Variants in HCFC2 observed in about 807,000 individuals in gnomAD.
HCFC2 encodes host cell factor 2.
Under a neutral mutation model 89.2 loss-of-function variants are expected in HCFC2, and 18 were observed. The observed-to-expected ratio is 0.20, with a 90% CI of 0.14 to 0.30. The LOEUF (loss-of-function observed/expected upper bound fraction) is 0.30. HCFC2 is among the 10% of genes least tolerant of loss of function. The pLI, the probability that HCFC2 is intolerant of heterozygous loss-of-function variation, is 1.00. For synonymous variants in HCFC2, 308 were observed against 335.7 expected (o/e 0.92, Z 0.90); for missense variants, 578 against 956.1 (o/e 0.60, Z 5.21).
chr12:104,066,450 CTATTATTCAAG>C (rs955067034), intron 2 of HCFC2, 135 bp downstream of exon 2: 1 of 531,622 alleles, frequency 1.9e-6, no homozygotes, highest in African/African-American at 2.8e-5. Context: ...TTCAAGTAAA[CTATTATTCAAG>C]TAATATTATT....
chr12:104,100,024 C>T (rs919038827), intron 13 of HCFC2, among the ~76,000 whole-genome samples: 4 of 152,070 alleles, frequency 2.6e-5, no homozygotes, highest in Admixed American at 2.0e-4. Flanking sequence ...TTTGAAATAG[C>T]TCTAATTTTG....
intron 3 of HCFC2, among the ~76,000 whole-genome samples, chr12:104,069,947 G>A (rs1187549233): frequency 6.6e-6 from 1 of 152,092 alleles, no homozygotes; most frequent in Non-Finnish European, 1.5e-5. Context: ...AGAACATGCA[G>A]TGTTTGGTTT....
intron 3 of HCFC2, among the ~76,000 whole-genome samples, chr12:104,071,808 T>C (rs1475364859): frequency 6.6e-6 from 1 of 152,242 alleles, no homozygotes; most frequent in Non-Finnish European, 1.5e-5. Context: ...TTTCTCCACC[T>C]TGGCTAATAT....
intron 3 of HCFC2, among the ~76,000 whole-genome samples, chr12:104,072,827 G>A (rs1298412053): frequency 1.3e-5 from 2 of 151,804 alleles, no homozygotes; most frequent in Non-Finnish European, 2.9e-5. Context: ...TGTATTTTTA[G>A]TAGAGACTGG....
At chr12:104,078,928 A>AACC (rs1333313530) in intron 3 of HCFC2, among the ~76,000 whole-genome samples, 4 of 152,160 alleles carry the variant, frequency 2.6e-5, no homozygotes, top group South Asian at 4.1e-4. Context: ...CCCAGATGGT[A>AACC]GTTTTATGGG....
Position 104,074,450 on chromosome 12 carries a change from A to G in HCFC2, c.474-4995A>G, listed in dbSNP as rs571972317. 3.3e-5 allele frequency among the ~76,000 whole-genome samples: 5 copies of G among 152,332 alleles called. No individual in the cohort carries two copies. In the South Asian group the frequency reaches 1.0e-3, roughly 32 times the overall value. On this transcript the variant is annotated intron_variant, in intron 3 of 14. Transcript: ENST00000229330. ...GTTGGGATTACAGGCGTGAGCCGCC[A>G]TGCCTGGCCAAAATGTTCTTAAATT... is the stretch of plus-strand genomic sequence containing the variant.
At chr12:104,073,167 C>CTTT (rs751054824) in intron 3 of HCFC2, among the ~76,000 whole-genome samples, 3 of 131,698 alleles carry the variant, frequency 2.3e-5, no homozygotes, top group African/African-American at 5.6e-5. Context: ...TTCTGTTTGC[C>CTTT]TTTTTTTTTT....
At chr12:104,070,689 C>G (rs182539692) in intron 3 of HCFC2, among the ~76,000 whole-genome samples, 26 of 151,700 alleles carry the variant, frequency 1.7e-4, no homozygotes, top group Middle Eastern at 3.4e-3. Flanking sequence ...AGGATCTTAA[C>G]TTTTTTTCCA....
intron 10 of HCFC2, among the ~76,000 whole-genome samples, chr12:104,094,132 G>A (rs1884109714): frequency 6.6e-6 from 1 of 152,142 alleles, no homozygotes; most frequent in Admixed American, 6.5e-5. Context: ...GGAAAAGATA[G>A]GTTCAACTTT....
chr12:104,073,311 C>G (rs1883392783), intron 3 of HCFC2, among the ~76,000 whole-genome samples: 1 of 151,320 alleles, frequency 6.6e-6, no homozygotes, highest in Non-Finnish European at 1.5e-5. Context: ...ATTACAGGCT[C>G]CCACCACCAT....
Position 104,068,203 on chromosome 12 carries a change from A to G in HCFC2, c.473+96A>G, listed in dbSNP as rs764464028. On this transcript the variant is annotated intron_variant, in intron 3 of 14. Coordinates refer to ENST00000229330, the MANE Select transcript of HCFC2 (RefSeq NM_013320.3). This position sits in a 1 kb window ranked among gnomAD's most constrained non-coding sequence, Gnocchi z 4.1. Reference sequence around the variant, plus strand: ...TTAATTTTTAAAAGGGATGATGCTTAGCTTTTTGCATTTCAACCTAACAGT... The same window carrying G: ...TTAATTTTTAAAAGGGATGATGCTTGGCTTTTTGCATTTCAACCTAACAGT... 4 of 1,080,892 alleles carry G rather than the reference A, an allele frequency of 3.7e-6. No homozygotes were observed. Among genetic ancestry groups the G allele is most frequent in the Non-Finnish European group, 5.1e-6 (4 of 778,446 alleles). The allele number at this position is 1,080,892 out of a possible 1,614,324, so 67.0% of individuals were successfully genotyped here.
chr12:104,101,983 G>A lies in HCFC2; in HGVS notation c.1894G>A (p.Val632Ile). 1 of 1,603,166 alleles carries A rather than the reference G, an allele frequency of 6.2e-7. No homozygotes were observed. The highest frequency in any genetic ancestry group is 8.5e-7 in the Non-Finnish European group (1 of 1,173,526). Reference protein sequence around the residue: ...QSISKVGNADVPDYSLLKKQD... With the variant: ...QSISKVGNADIPDYSLLKKQD... ...TACATTTTAGGTAGGAAATGCAGAT[G>A]TACCTGACTACAGCTTGCTTAAGAA... The change falls in exon 14 of 15, where the codon GTA becomes ATA. Residue 632 changes from valine to isoleucine, a missense_variant. Physicochemically the swap from Val to Ile is conservative, Grantham distance 29. Around this residue, in one of 4 missense-constraint regions of HCFC2, gnomAD observed 140 missense variants for 266.4 expected, o/e 0.53. Transcript: ENST00000229330.
rs2030053266 is a variant in HCFC2 at position 104,105,178 on chromosome 12, A to G, written c.*1905A>G. ...TTAAATATTAGGGTTTGTTGTGTAT[A>G]TGTGTATACTTAATTATAAAAGAAT... On this transcript the variant is annotated 3_prime_UTR_variant, in exon 15 of 15. Coordinates refer to ENST00000229330, the MANE Select transcript of HCFC2 (RefSeq NM_013320.3). 1 of 151,730 alleles carries G rather than the reference A, an allele frequency of 6.6e-6. No individual in the cohort carries two copies. The highest frequency in any genetic ancestry group is 6.6e-5 in the Admixed American group (1 of 15,214). 9.4% of individuals were successfully genotyped at this position (151,730 alleles called of 1,614,324 possible). A position where few individuals can be genotyped will look rare whatever the true frequency, so the allele number is the denominator to read the frequency against.
chr12:104,084,171 C>T (rs772021373), intron 7 of HCFC2, among the ~76,000 whole-genome samples: 9 of 152,174 alleles, frequency 5.9e-5, no homozygotes, highest in Non-Finnish European at 1.0e-4. Context: ...ACTGATAGTG[C>T]GCCTGCTCTC....
At chr12:104,094,513 G>A (rs1884119064) in intron 10 of HCFC2, among the ~76,000 whole-genome samples, 3 of 152,216 alleles carry the variant, frequency 2.0e-5, no homozygotes, top group Non-Finnish European at 4.4e-5. Flanking sequence ...GTTGTGGAAT[G>A]AATAAATATA....
Position 104,103,362 on chromosome 12 carries a change from C to A in HCFC2, c.*89C>A. The A allele has an allele frequency of 1.8e-6, 2 of 1,089,586 alleles. No homozygotes were observed. The highest frequency in any genetic ancestry group is 2.6e-6 in the Non-Finnish European group (2 of 760,976). 67.5% of individuals were successfully genotyped at this position (1,089,586 alleles called of 1,614,324 possible). ...TGTCATTTAAAAGAGTATTCTCTGG[C>A]TGTATTTCCAGCAGTTATGAACTTG... On this transcript the variant is annotated 3_prime_UTR_variant, in exon 15 of 15. Transcript: ENST00000229330.
In HCFC2 at chr12:104,067,944, TAGGC is replaced by T; in HGVS notation, c.313-1_315del. The stretch of plus-strand genomic sequence containing the variant: ...ACTGTATTTGTGCCCTTTTTTTTTT[TAGGC>T]AAGTCGTTGGTTATGGAAAAAAGTG... On this transcript the variant is annotated splice_acceptor_variant and coding_sequence_variant, in exon 3 of 15. Coordinates refer to ENST00000229330, the MANE Select transcript of HCFC2 (RefSeq NM_013320.3). LOFTEE classifies it high-confidence loss of function. The T allele has an allele frequency of 6.4e-7, 1 of 1,572,418 alleles. No homozygotes were observed.
chr12:104,070,789 G>A (rs1476935987), intron 3 of HCFC2, among the ~76,000 whole-genome samples: 1 of 151,140 alleles, frequency 6.6e-6, no homozygotes, highest in Admixed American at 6.6e-5. Flanking sequence ...ACAGTAATCC[G>A]GATACTTTTT....
intron 7 of HCFC2, 46 bp downstream of exon 7, chr12:104,082,947 A>C: frequency 7.1e-7 from 1 of 1,406,348 alleles, no homozygotes; most frequent in Non-Finnish European, 9.7e-7. Flanking sequence ...TTAGGTAAGC[A>C]CTCAAATGTC....
Sources: gnomAD v4.1 joint callset for allele counts (sites outside exome capture counted in the v4.1 genomes callset) on GRCh38, gnomAD v4.1.1 for gene constraint, gnomAD v4.1.1 regional missense constraint, Gnocchi (gnomAD v3.1) non-coding constraint, MANE v1.5 for transcripts, NCBI Gene and HGNC (gene_info 2026-07-23, HGNC 2026-07-21) for gene names.